MGLL: variants seen among roughly 807,000 people sequenced by gnomAD.
MGLL encodes lysophospholipase homolog.
Under a neutral mutation model 29.1 loss-of-function variants are expected in MGLL, and 7 were observed. That is an observed-to-expected ratio of 0.24 (90% CI 0.14 to 0.45). The LOEUF (loss-of-function observed/expected upper bound fraction) is 0.45, where lower values mean the gene tolerates loss of function less well. Ranked by LOEUF, MGLL falls within the 20% of genes least tolerant of loss-of-function variation. The probability of loss-of-function intolerance (pLI) is 0.99; values close to 1 mark genes in which losing one functional copy is unlikely to be tolerated. For missense variants in MGLL, 356 were observed against 413.6 expected, an observed-to-expected ratio of 0.86 and a Z score of 1.21; for synonymous variants, 148 against 168.3, an observed-to-expected ratio of 0.88 and a Z score of 0.93.
chr3:127,741,813 T>A (rs568109317), intron 3 of MGLL, among the ~76,000 whole-genome samples: 1 of 152,328 alleles, frequency 6.6e-6, no homozygotes, highest in South Asian at 2.1e-4. Flanking sequence ...TTGTGTCAGG[T>A]CTTGGTTAGA....
At chr3:127,797,779 T>C (rs2077409649) in intron 2 of MGLL, among the ~76,000 whole-genome samples, 1 of 152,138 alleles carries the variant, frequency 6.6e-6, no homozygotes, top group Non-Finnish European at 1.5e-5. Flanking sequence ...CAGCTGATTT[T>C]TATTTTTTGT....
chr3:127,802,968 GTCTCTC>G (rs142783705), intron 2 of MGLL, among the ~76,000 whole-genome samples: 1,955 of 151,120 alleles, frequency 0.013, 50 homozygotes, highest in African/African-American at 0.045. Flanking sequence ...TCAAGCCTGA[GTCTCTC>G]TCTCTCTCTC....
chr3:127,816,024 T>C (rs1228246040), intron 2 of MGLL, among the ~76,000 whole-genome samples: 1 of 152,178 alleles, frequency 6.6e-6, no homozygotes, highest in Non-Finnish European at 1.5e-5. Context: ...CGAGGGGCGC[T>C]GAGCAGGAGC....
intron 2 of MGLL, among the ~76,000 whole-genome samples, chr3:127,805,829 A>G (rs967736394): frequency 6.6e-6 from 1 of 152,270 alleles, no homozygotes; most frequent in Non-Finnish European, 1.5e-5. Context: ...AGGTAAAGCC[A>G]GAGAAGTATC....
intron 6 of MGLL, among the ~76,000 whole-genome samples, chr3:127,695,820 A>G (rs1233914280): frequency 6.6e-6 from 1 of 152,248 alleles, no homozygotes; most frequent in Non-Finnish European, 1.5e-5. Context: ...CATATTGTTC[A>G]CATCAATTAT....
At chr3:127,818,845 A>T (rs1353604493) in intron 2 of MGLL, among the ~76,000 whole-genome samples, 1 of 152,230 alleles carries the variant, frequency 6.6e-6, no homozygotes, top group African/African-American at 2.4e-5. Flanking sequence ...AGGTAAAATG[A>T]GGTCATGTGT....
intron 2 of MGLL, among the ~76,000 whole-genome samples, chr3:127,807,196 C>T (rs1219436579): frequency 1.3e-5 from 2 of 152,068 alleles, no homozygotes; most frequent in Non-Finnish European, 2.9e-5. Context: ...TGTTTTAAGT[C>T]TAAGTTTGGG....
intron 2 of MGLL, among the ~76,000 whole-genome samples, chr3:127,804,359 C>T (rs920228950): frequency 6.6e-6 from 1 of 152,350 alleles, no homozygotes; most frequent in Admixed American, 6.5e-5. Context: ...TGCTTAAAGC[C>T]ATCCTGGCCA....
At chr3:127,737,862 T>G (rs2076271967) in intron 3 of MGLL, among the ~76,000 whole-genome samples, 1 of 151,950 alleles carries the variant, frequency 6.6e-6, no homozygotes, top group Admixed American at 6.6e-5. Flanking sequence ...CAGGCTAGTC[T>G]CGAACTTCTG....
intron 2 of MGLL, among the ~76,000 whole-genome samples, chr3:127,794,626 C>G (rs927904378): frequency 1.3e-5 from 2 of 152,088 alleles, no homozygotes; most frequent in Non-Finnish European, 1.5e-5. Context: ...TCTGTGATGT[C>G]AGGCTGTCTT....
intron 3 of MGLL, among the ~76,000 whole-genome samples, chr3:127,734,700 G>A (rs1047684860): frequency 3.3e-5 from 5 of 152,202 alleles, no homozygotes; most frequent in African/African-American, 1.2e-4. Context: ...GAGATCCAAG[G>A]ACCAATCCAC....
intron 5 of MGLL, chr3:127,711,206 G>C (rs1296279122): frequency 5.3e-6 from 1 of 188,596 alleles, no homozygotes; most frequent in Non-Finnish European, 1.1e-5. Context: ...TGCTGGGTTT[G>C]ATTCCTAGCT....
At chr3:127,779,939 T>C (rs916949291) in intron 3 of MGLL, among the ~76,000 whole-genome samples, 46 of 152,318 alleles carry the variant, frequency 3.0e-4, no homozygotes, top group African/African-American at 9.9e-4. Flanking sequence ...ACACGCACAG[T>C]CAACTGGGTT....
intron 2 of MGLL, among the ~76,000 whole-genome samples, chr3:127,793,463 C>A (rs181316514): frequency 6.6e-6 from 1 of 152,318 alleles, no homozygotes; most frequent in Middle Eastern, 3.4e-3. Flanking sequence ...TTCACAATCT[C>A]CTTCCCCATA....
intron 2 of MGLL, among the ~76,000 whole-genome samples, chr3:127,791,468 T>C (rs777021205): frequency 5.3e-5 from 8 of 152,224 alleles, no homozygotes; most frequent in Non-Finnish European, 7.3e-5. Context: ...GTTTTGTTTA[T>C]ATTGGGAGTA....
chr3:127,735,739 C>G (rs1258795002), intron 3 of MGLL: 1 of 1,598,308 alleles, frequency 6.3e-7, no homozygotes, highest in South Asian at 1.1e-5. Flanking sequence ...CGTGCTCGCT[C>G]CCCGCCTTCT....
Position 127,722,413 on chromosome 3 carries a change from T to C in MGLL, c.399+17A>G. Reference sequence around the variant, plus strand: ...AGCCAGGGTGGATTTAACCTGGGTCTTCTGTGGTCTGCTTACCATGGAGTG... The same window carrying C: ...AGCCAGGGTGGATTTAACCTGGGTCCTCTGTGGTCTGCTTACCATGGAGTG... On this transcript the variant is annotated intron_variant, in intron 4 of 7. Transcript: ENST00000265052. The C allele has an allele frequency of 6.2e-7, 1 of 1,614,116 alleles. No individual in the cohort carries two copies. Among genetic ancestry groups the C allele is most frequent in the East Asian group, 2.2e-5 (1 of 44,874 alleles).
chr3:127,746,879 T>C (rs2076455798), intron 3 of MGLL, among the ~76,000 whole-genome samples: 1 of 151,654 alleles, frequency 6.6e-6, no homozygotes, highest in Non-Finnish European at 1.5e-5. Context: ...GAGATAACCC[T>C]GCCCCTCCCT....
intron 6 of MGLL, among the ~76,000 whole-genome samples, chr3:127,706,902 C>G (rs564282882): frequency 6.6e-6 from 1 of 152,176 alleles, no homozygotes. Flanking sequence ...CACGGCCGAG[C>G]TTTCCAAGAC....
Sources: allele counts gnomAD v4.1 joint callset (sites outside exome capture counted in the v4.1 genomes callset), GRCh38; gene constraint gnomAD v4.1.1; transcripts MANE v1.5; gene names NCBI Gene and HGNC (gene_info 2026-07-23, HGNC 2026-07-21).